Variants in NTNG1 observed in about 807,000 individuals in gnomAD.
NTNG1 encodes the protein netrin G1.
NTNG1 carries 16 observed loss-of-function variants against 54.0 expected under a neutral mutation model. The observed-to-expected ratio is 0.30, with a 90% confidence interval of 0.20 to 0.45. The LOEUF (loss-of-function observed/expected upper bound fraction) is 0.45. Ranked by LOEUF, NTNG1 falls within the 20% of genes least tolerant of loss-of-function variation. The probability of loss-of-function intolerance (pLI) is 1.00; values close to 1 mark genes in which losing one functional copy is unlikely to be tolerated. For missense variants in NTNG1, 530 were observed against 678.7 expected, an observed-to-expected ratio of 0.78 and a Z score of 2.43; for synonymous variants, 255 against 263.1, an observed-to-expected ratio of 0.97 and a Z score of 0.30.
At chr1:107,457,670 A>C (rs563476967) in intron 7 of NTNG1, among the ~76,000 whole-genome samples, 122 of 152,236 alleles carry the variant, frequency 8.0e-4, no homozygotes, top group African/African-American at 2.9e-3. Context: ...ATAACAAGAA[A>C]ATTGCCACAT....
In NTNG1 at chr1:107,480,670, G is replaced by A. The variant is rs200424481; in HGVS notation, c.1450G>A (p.Val484Met). The change falls in exon 8 of 8, where the codon GTG becomes ATG. Residue 484 changes from valine to methionine, a missense_variant. Coordinates refer to ENST00000370068, the MANE Select transcript of NTNG1 (RefSeq NM_001113226.3). ...CQNGGTCHNN[V>M]RCLCPAAYTG... ...GAACGGAGGGACGTGCCACAACAAC[G>A]TGCGCTGCCTGTGCCCGGCCGCATA... The A allele has an allele frequency of 7.0e-6, 10 of 1,424,472 alleles. No homozygotes were observed. Among genetic ancestry groups the A allele is most frequent in the Non-Finnish European group, 9.4e-6 (10 of 1,062,902 alleles). The allele number at this position is 1,424,472 out of a possible 1,614,324, so 88.2% of individuals were successfully genotyped here.
chr1:107,468,931 A>C (rs1677781743), intron 7 of NTNG1, among the ~76,000 whole-genome samples: 1 of 152,062 alleles, frequency 6.6e-6, no homozygotes, highest in Admixed American at 6.5e-5. Flanking sequence ...CCCTGTCTCT[A>C]CTAAAACTAC....
intron 2 of NTNG1, among the ~76,000 whole-genome samples, chr1:107,191,775 C>T (rs1239348794): frequency 6.6e-6 from 1 of 151,630 alleles, no homozygotes; most frequent in East Asian, 1.9e-4. Context: ...CTGTTCTGTT[C>T]CATTGGTCTA....
intron 2 of NTNG1, among the ~76,000 whole-genome samples, chr1:107,258,814 G>A (rs534155044): frequency 2.0e-5 from 3 of 152,306 alleles, no homozygotes; most frequent in African/African-American, 7.2e-5. Context: ...TTGAGGAACA[G>A]ACTTTGGTCT....
chr1:107,379,753 C>A (rs1208083110), intron 3 of NTNG1, among the ~76,000 whole-genome samples: 1 of 152,046 alleles, frequency 6.6e-6, no homozygotes, highest in Admixed American at 6.5e-5. Context: ...AATGTAGGTA[C>A]TGTTAAAATC....
At chr1:107,400,189 T>G (rs888863168) in intron 4 of NTNG1, among the ~76,000 whole-genome samples, 8 of 152,158 alleles carry the variant, frequency 5.3e-5, no homozygotes, top group African/African-American at 1.7e-4. Flanking sequence ...CTCTTCACTC[T>G]ATATTGAAAT....
intron 7 of NTNG1, among the ~76,000 whole-genome samples, chr1:107,442,230 G>A (rs554232272): frequency 1.7e-4 from 26 of 152,048 alleles, no homozygotes; most frequent in African/African-American, 5.8e-4. Context: ...GTCACATAAG[G>A]GAGCAAACAC....
At chr1:107,183,513 G>T (rs2101143453) in intron 2 of NTNG1, among the ~76,000 whole-genome samples, 2 of 152,160 alleles carry the variant, frequency 1.3e-5, no homozygotes, top group African/African-American at 2.4e-5. Context: ...AGGGCCAAAT[G>T]GTCCCCTTTC....
chr1:107,148,211 A>T lies in NTNG1; in HGVS notation c.-383A>T, dbSNP rs1382863271. 1 of 181,020 alleles carries T rather than the reference A, an allele frequency of 5.5e-6. No individual in the cohort carries two copies. Among genetic ancestry groups the T allele is most frequent in the African/African-American group, 2.4e-5 (1 of 41,918 alleles). The allele number at this position is 181,020 out of a possible 1,614,324, so 11.2% of individuals were successfully genotyped here. Reference sequence around the variant, plus strand: ...TGAACATTGAGGATCACTCAGGGTTATCGGATGTACAACGGGAGAGCCATC... The same window carrying T: ...TGAACATTGAGGATCACTCAGGGTTTTCGGATGTACAACGGGAGAGCCATC... On this transcript the variant is annotated 5_prime_UTR_variant, in exon 2 of 8. Coordinates refer to ENST00000370068, the MANE Select transcript of NTNG1 (RefSeq NM_001113226.3).
At chr1:107,260,974 G>A (rs566173374) in intron 2 of NTNG1, 1 of 152,336 alleles carries the variant, frequency 6.6e-6, no homozygotes, top group East Asian at 1.9e-4. Context: ...AAAAAGCAAG[G>A]AAAAGGATCT....
Position 107,148,661 on chromosome 1 carries a change from A to G in NTNG1, c.68A>G (p.Tyr23Cys), listed in dbSNP as rs1286467030. Reference sequence around the variant, plus strand: ...ACGGTGTCCTCAGTGATGCAGCCCTACCCTTTGGTTTGGGGACATTATGAT... The same window carrying G: ...ACGGTGTCCTCAGTGATGCAGCCCTGCCCTTTGGTTTGGGGACATTATGAT... Reference protein sequence around the residue: ...WVTVSSVMQPYPLVWGHYDLC... With the variant: ...WVTVSSVMQPCPLVWGHYDLC... Residue 23 changes from tyrosine (Y) to cysteine (C), a missense_variant, in exon 2 of 8, where the codon TAC (tyrosine) becomes TGC (cysteine). Physicochemically the swap from Tyr to Cys is radical, Grantham distance 194. Coordinates refer to ENST00000370068, the MANE Select transcript of NTNG1 (RefSeq NM_001113226.3). 1 of 1,613,314 alleles carries G rather than the reference A, an allele frequency of 6.2e-7. No individual in the cohort carries two copies. Among genetic ancestry groups the G allele is most frequent in the Non-Finnish European group, 8.5e-7 (1 of 1,179,450 alleles).
intron 3 of NTNG1, among the ~76,000 whole-genome samples, chr1:107,370,969 T>C (rs1461117906): frequency 6.6e-6 from 1 of 152,160 alleles, no homozygotes; most frequent in East Asian, 1.9e-4. Context: ...ACTTATTATT[T>C]CTAATAGCTT....
chr1:107,161,572 A>G (rs999728554), intron 2 of NTNG1, among the ~76,000 whole-genome samples: 4 of 152,032 alleles, frequency 2.6e-5, no homozygotes, highest in African/African-American at 9.7e-5. Context: ...GAGGTACGAG[A>G]ATCACTTGAA....
At chr1:107,476,531 T>C (rs1678343100) in intron 7 of NTNG1, among the ~76,000 whole-genome samples, 1 of 152,200 alleles carries the variant, frequency 6.6e-6, no homozygotes, top group African/African-American at 2.4e-5. Flanking sequence ...CTTCCTCTTA[T>C]CTTCTTTTCT....
chr1:107,144,445 G>C (rs916096187), intron 1 of NTNG1, among the ~76,000 whole-genome samples: 1 of 152,072 alleles, frequency 6.6e-6, no homozygotes, highest in African/African-American at 2.4e-5. Context: ...ATAATAAAAT[G>C]AATGCTGAAA....
chr1:107,148,743 C>T lies in NTNG1; in HGVS notation c.150C>T (p.Cys50=), dbSNP rs1159665029. The T allele has an allele frequency of 6.2e-7, 1 of 1,613,532 alleles. No homozygotes were observed. Among genetic ancestry groups the T allele is most frequent in the African/African-American group, 1.3e-5 (1 of 74,876 alleles). The change falls in exon 2 of 8, where the codon TGC becomes TGT. Residue 50 remains cysteine (C), a synonymous_variant. Transcript: ENST00000370068. ...GGAAAGTTTGGGATTACATGGCCTG[C>T]CAGCCGGAATCCACGGACATGACAA... is the stretch of plus-strand genomic sequence containing the variant. ...EEGKVWDYMA[C]QPESTDMTKY... is the part of the protein sequence containing the mutation.
At chr1:107,356,708 T>C (rs1283418048) in intron 3 of NTNG1, among the ~76,000 whole-genome samples, 2 of 151,786 alleles carry the variant, frequency 1.3e-5, no homozygotes, top group Non-Finnish European at 2.9e-5. Flanking sequence ...CCTTTGGGTA[T>C]AGGAATTAAA....
At chr1:107,304,511 T>G (rs947256544) in intron 2 of NTNG1, among the ~76,000 whole-genome samples, 6 of 152,184 alleles carry the variant, frequency 3.9e-5, no homozygotes, top group Admixed American at 1.3e-4. Context: ...TAACTCCATT[T>G]TCTACCCCTT....
At chr1:107,292,965 A>C (rs557294987) in intron 2 of NTNG1, among the ~76,000 whole-genome samples, 12 of 152,060 alleles carry the variant, frequency 7.9e-5, no homozygotes, top group Admixed American at 3.9e-4. Context: ...ACTTGCCTTC[A>C]TCTCTCCTTC....
Sources: allele counts gnomAD v4.1 joint callset (sites outside exome capture counted in the v4.1 genomes callset), GRCh38; gene constraint gnomAD v4.1.1; transcripts MANE v1.5; gene names NCBI Gene and HGNC (gene_info 2026-07-23, HGNC 2026-07-21).